RUFY4: variants seen among roughly 807,000 people sequenced by gnomAD.
RUFY4 encodes RUN and FYVE domain-containing protein 4.
In RUFY4, 73 loss-of-function variants were observed where a neutral mutation model predicts 69.0. That is an observed-to-expected ratio of 1.06 (90% CI 0.88 to 1.29). The LOEUF (loss-of-function observed/expected upper bound fraction) is 1.29. RUFY4 is among the 50% of genes most tolerant of loss of function. The pLI, the probability that RUFY4 is intolerant of heterozygous loss-of-function variation, is 0.00. For synonymous variants in RUFY4, 287 were observed against 271.8 expected, an observed-to-expected ratio of 1.06 and a Z score of -0.55; for missense variants, 770 against 705.6, an observed-to-expected ratio of 1.09 and a Z score of -1.03.
intron 2 of RUFY4, among the ~76,000 whole-genome samples, chr2:218,044,228 C>G (rs1020919739): frequency 3.9e-4 from 60 of 152,196 alleles, no homozygotes; most frequent in Admixed American, 2.6e-4. Flanking sequence ...CCAGGCTGCA[C>G]CTCCTCACTG....
At position 218,072,690 on chromosome 2, in the gene RUFY4, G is replaced by A. The variant is rs1689517546; in HGVS notation, c.280-89G>A. The A allele has an allele frequency of 3.5e-5, 46 of 1,305,568 alleles. No individual in the cohort carries two copies. In the East Asian group the frequency reaches 1.1e-3, roughly 30 times the overall value. 80.9% of individuals were successfully genotyped at this position (1,305,568 alleles called of 1,614,324 possible). The stretch of plus-strand genomic sequence containing the variant: ...CAGGTCCCCCTGCACCCTTCCCATT[G>A]CCAAGCACTTCCAGTCCCCTCTCTC... On this transcript the variant is annotated intron_variant, in intron 3 of 10. Coordinates refer to ENST00000344321, the Ensembl canonical transcript of RUFY4.
At chr2:218,073,980 CAG>C in intron 6 of RUFY4, 95 bp downstream of exon 8, 1 of 1,239,022 alleles carries the variant, frequency 8.1e-7, no homozygotes, top group Non-Finnish European at 1.2e-6. Context: ...TCCGAGTGTA[CAG>C]AGAGCCCTGA....
In RUFY4 at chr2:218,070,668, A is replaced by G. The variant is rs1488096792; in HGVS notation, c.46+17A>G. The G allele has an allele frequency of 2.0e-6, 3 of 1,536,912 alleles. No individual in the cohort carries two copies. Among genetic ancestry groups the G allele is most frequent in the Non-Finnish European group, 2.6e-6 (3 of 1,146,352 alleles). The stretch of plus-strand genomic sequence containing the variant: ...ACCTAAGAGGTGAGTGTGTCCTGAG[A>G]GATGCTCTGGGACTGAGTCATGGGA... On this transcript the variant is annotated intron_variant, in intron 1 of 10. Coordinates refer to ENST00000344321, the Ensembl canonical transcript of RUFY4.
intron 9 of RUFY4, among the ~76,000 whole-genome samples, chr2:218,084,842 G>A (rs1446357627): frequency 6.6e-6 from 1 of 152,166 alleles, no homozygotes; most frequent in Non-Finnish European, 1.5e-5. Flanking sequence ...GAGGTCAGGA[G>A]TTCAAGACCA....
At chr2:218,057,303 A>C (rs1204588568) in intron 2 of RUFY4, among the ~76,000 whole-genome samples, 1 of 152,174 alleles carries the variant, frequency 6.6e-6, no homozygotes, top group African/African-American at 2.4e-5. Flanking sequence ...TGCCACATAA[A>C]AGGTTTTGTT....
intron 2 of RUFY4, among the ~76,000 whole-genome samples, chr2:218,041,122 C>T (rs891051490): frequency 5.3e-5 from 8 of 152,032 alleles, no homozygotes; most frequent in African/African-American, 1.9e-4. Context: ...CTTATCATGA[C>T]ATCAGTCCCA....
At chr2:218,070,724 C>T (rs369602770) in intron 1 of RUFY4, 29 bp from the exon 4 acceptor site, 12 of 1,534,928 alleles carry the variant, frequency 7.8e-6, no homozygotes, top group African/African-American at 2.7e-5. Flanking sequence ...CCTCCCTCAG[C>T]GACCTGACAT....
chr2:218,064,893 A>G (rs1190282681), upstream of RUFY4, among the ~76,000 whole-genome samples: 2 of 147,256 alleles, frequency 1.4e-5, no homozygotes, highest in Non-Finnish European at 3.0e-5. Flanking sequence ...CCTCCCCTGC[A>G]GGGAGCCCAG....
At chr2:218,038,159 C>A (rs1959006134) in intron 2 of RUFY4, among the ~76,000 whole-genome samples, 1 of 152,030 alleles carries the variant, frequency 6.6e-6, no homozygotes, top group Admixed American at 6.6e-5. Flanking sequence ...TATCAAAAAC[C>A]TTTCCATGAA....
intron 2 of RUFY4, among the ~76,000 whole-genome samples, chr2:218,055,000 G>C: frequency 6.6e-6 from 1 of 152,206 alleles, no homozygotes; most frequent in East Asian, 1.9e-4. Context: ...ATCAGGGTTA[G>C]ATGAAGTTAT....
intron 8 of RUFY4, among the ~76,000 whole-genome samples, chr2:218,079,425 G>A (rs1264719790): frequency 6.6e-6 from 1 of 152,222 alleles, no homozygotes; most frequent in Non-Finnish European, 1.5e-5. Context: ...TGGAAAGCTA[G>A]AGTCACCATT....
At chr2:218,075,293 G>A (rs1430136814) in exon 7 of RUFY4, 1 of 1,602,906 alleles carries the variant, frequency 6.2e-7, no homozygotes, top group East Asian at 2.2e-5. Context: ...GCATGTGGGA[G>A]CCAGAAGGGA....
chr2:218,063,680 C>A (rs560428549), intron 3 of RUFY4, among the ~76,000 whole-genome samples: 1 of 152,138 alleles, frequency 6.6e-6, no homozygotes, highest in South Asian at 2.1e-4. Flanking sequence ...CAGCTAGGAG[C>A]GAACATGGTA....
At chr2:218,077,666 C>T (rs776039615) in intron 8 of RUFY4, among the ~76,000 whole-genome samples, 3 of 152,206 alleles carry the variant, frequency 2.0e-5, no homozygotes, top group Non-Finnish European at 4.4e-5. Flanking sequence ...CCAACAGACA[C>T]CAGTCGGACC....
intron 2 of RUFY4, 48 bp from the exon 5 acceptor site, chr2:218,072,326 T>C (rs1482241407): frequency 3.3e-6 from 5 of 1,531,466 alleles, no homozygotes; most frequent in African/African-American, 2.7e-5. Context: ...CAGGGCGTGT[T>C]CTGGGAGGAA....
intron 2 of RUFY4, among the ~76,000 whole-genome samples, chr2:218,046,472 G>A (rs1688832265): frequency 6.6e-6 from 1 of 152,028 alleles, no homozygotes; most frequent in African/African-American, 2.4e-5. Context: ...TTCGGTTCCT[G>A]TCTTATTTCA....
chr2:218,047,680 C>T (rs1688862529), intron 2 of RUFY4, among the ~76,000 whole-genome samples: 2 of 151,974 alleles, frequency 1.3e-5, no homozygotes, highest in Admixed American at 1.3e-4. Flanking sequence ...TTAGGATGTA[C>T]GTGGTTTCAT....
At chr2:218,083,674 G>T (rs1689822436) in intron 9 of RUFY4, among the ~76,000 whole-genome samples, 1 of 151,940 alleles carries the variant, frequency 6.6e-6, no homozygotes, top group African/African-American at 2.4e-5. Context: ...CTTGAACCTG[G>T]GAGGCAGAGG....
intron 6 of RUFY4, among the ~76,000 whole-genome samples, chr2:218,074,180 C>T (rs1466859578): frequency 6.6e-6 from 1 of 152,154 alleles, no homozygotes; most frequent in South Asian, 2.1e-4. Context: ...CCACTGAAAG[C>T]TTCAGGAAAC....
Sources: gnomAD v4.1 joint callset for allele counts (sites outside exome capture counted in the v4.1 genomes callset) on GRCh38, gnomAD v4.1.1 for gene constraint, MANE v1.5 for transcripts, NCBI Gene and HGNC (gene_info 2026-07-23, HGNC 2026-07-21) for gene names.